The following CFAP299 variants were observed in gnomAD, a reference collection of about 807,000 sequenced individuals.
CFAP299 encodes the protein cilia- and flagella-associated protein 299.
In CFAP299, 21 loss-of-function variants were observed where a neutral mutation model predicts 27.0. That is an observed-to-expected ratio of 0.78 (90% CI 0.55 to 1.12). CFAP299 has a LOEUF of 1.12. Among genes scored for constraint, CFAP299 ranks in the 50% most tolerant of loss-of-function variants. The pLI is 0.00. For synonymous variants in CFAP299, 104 were observed against 98.1 expected, an observed-to-expected ratio of 1.06 and a Z score of -0.36; for missense variants, 310 against 276.6, an observed-to-expected ratio of 1.12 and a Z score of -0.86.
intron 1 of CFAP299, among the ~76,000 whole-genome samples, chr4:80,338,654 C>T (rs554085973): frequency 2.0e-5 from 3 of 152,254 alleles, no homozygotes; most frequent in African/African-American, 4.8e-5. Flanking sequence ...CCTTTTTAGT[C>T]GATAATCCTT....
rs115824735 is a variant in CFAP299, at chr4:80,708,851, C to T, written c.333+125668C>T. Among the ~76,000 whole-genome samples the T allele has an allele frequency of 9.1e-3, 1,380 of 152,012 alleles. 20 individuals carry two copies. Among genetic ancestry groups the T allele is most frequent in the African/African-American group, 0.03 (1,264 of 41,484 alleles). On this transcript the variant is annotated intron_variant, in intron 3 of 5. Transcript: ENST00000358105. The stretch of plus-strand genomic sequence containing the variant: ...TAGTTACCAATAAGCAAAAGTACAA[C>T]GTGAAATATTAAAATTGATAACTAT...
chr4:80,488,146 C>T (rs139484869), intron 2 of CFAP299, among the ~76,000 whole-genome samples: 1 of 152,122 alleles, frequency 6.6e-6, no homozygotes, highest in Non-Finnish European at 1.5e-5. Context: ...GTGATGAGAT[C>T]TCTAGGAATG....
intron 2 of CFAP299, among the ~76,000 whole-genome samples, chr4:80,399,008 A>G (rs1185432283): frequency 1.3e-5 from 2 of 150,442 alleles, no homozygotes; most frequent in African/African-American, 4.9e-5. Context: ...AAAACAAACA[A>G]CTCCATCAAA....
chr4:80,692,332 G>T (rs532360569), intron 3 of CFAP299, among the ~76,000 whole-genome samples: 2 of 152,124 alleles, frequency 1.3e-5, no homozygotes, highest in East Asian at 1.9e-4. Context: ...GCATGGTACT[G>T]GTACCAAAAC....
At chr4:80,895,745 A>G (rs1734581548) in intron 4 of CFAP299, among the ~76,000 whole-genome samples, 1 of 152,084 alleles carries the variant, frequency 6.6e-6, no homozygotes, top group African/African-American at 2.4e-5. Flanking sequence ...TGAGCTACTT[A>G]GCTCATCTGG....
At chr4:80,507,655 C>T (rs1732102029) in intron 2 of CFAP299, among the ~76,000 whole-genome samples, 1 of 152,156 alleles carries the variant, frequency 6.6e-6, no homozygotes, top group South Asian at 2.1e-4. Flanking sequence ...CTGCTGTGGT[C>T]TAATTACATC....
intron 2 of CFAP299, among the ~76,000 whole-genome samples, chr4:80,445,499 G>A (rs184305210): frequency 6.6e-6 from 1 of 152,228 alleles, no homozygotes; most frequent in African/African-American, 2.4e-5. Flanking sequence ...ACAGGGAGGG[G>A]AATGTCATAC....
chr4:80,424,395 C>G (rs547993056), intron 2 of CFAP299, among the ~76,000 whole-genome samples: 9 of 152,276 alleles, frequency 5.9e-5, no homozygotes, highest in Middle Eastern at 3.4e-3. Context: ...TCTGCACTAT[C>G]TGGGTAAAAC....
At chr4:80,657,136 C>A (rs1480356692) in intron 3 of CFAP299, among the ~76,000 whole-genome samples, 1 of 151,706 alleles carries the variant, frequency 6.6e-6, no homozygotes, top group Non-Finnish European at 1.5e-5. Context: ...TAGCCCATTG[C>A]CAGATGGATA....
At chr4:80,672,213 AG>A (rs772570342) in intron 3 of CFAP299, among the ~76,000 whole-genome samples, 1 of 152,184 alleles carries the variant, frequency 6.6e-6, no homozygotes, top group East Asian at 1.9e-4. Flanking sequence ...TTTAGCATGA[AG>A]GGATGTTGAA....
At chr4:80,384,338 AATT>A (rs1724860424) in intron 2 of CFAP299, among the ~76,000 whole-genome samples, 1 of 152,124 alleles carries the variant, frequency 6.6e-6, no homozygotes, top group Admixed American at 6.5e-5. Context: ...TTAAAAACAA[AATT>A]ATTTAGTAGT....
At chr4:80,588,494 A>C (rs1736561667) in intron 3 of CFAP299, among the ~76,000 whole-genome samples, 2 of 151,172 alleles carry the variant, frequency 1.3e-5, no homozygotes, top group South Asian at 4.1e-4. Context: ...ATGAAAATTT[A>C]ATGACATCTT....
At chr4:80,948,007 C>T (rs758201005) in intron 5 of CFAP299, among the ~76,000 whole-genome samples, 6 of 152,082 alleles carry the variant, frequency 3.9e-5, no homozygotes, top group Non-Finnish European at 8.8e-5. Context: ...CTAAGGTGAA[C>T]ATCTCATAAC....
chr4:80,509,614 A>C (rs1194633730), intron 2 of CFAP299, among the ~76,000 whole-genome samples: 2 of 152,212 alleles, frequency 1.3e-5, no homozygotes, highest in African/African-American at 4.8e-5. Context: ...AGTAACTAGA[A>C]ACAGGATTTA....
At chr4:80,361,446 C>T (rs921688286) in intron 1 of CFAP299, among the ~76,000 whole-genome samples, 3 of 152,162 alleles carry the variant, frequency 2.0e-5, no homozygotes, top group Admixed American at 6.5e-5. Context: ...CAAATGATCT[C>T]ACTTTTGTAA....
intron 3 of CFAP299, among the ~76,000 whole-genome samples, chr4:80,602,024 T>C (rs1428111301): frequency 6.6e-6 from 1 of 152,118 alleles, no homozygotes; most frequent in Non-Finnish European, 1.5e-5. Flanking sequence ...AACACATGGA[T>C]GCTTAGAGGG....
chr4:80,343,218 A>G (rs1437426529), intron 1 of CFAP299, among the ~76,000 whole-genome samples: 2 of 152,322 alleles, frequency 1.3e-5, no homozygotes, highest in Non-Finnish European at 1.5e-5. Flanking sequence ...ATTTCACACA[A>G]TAATGGTGAG....
intron 3 of CFAP299, among the ~76,000 whole-genome samples, chr4:80,623,960 G>A (rs920123777): frequency 6.6e-6 from 1 of 152,150 alleles, no homozygotes; most frequent in African/African-American, 2.4e-5. Flanking sequence ...CCAGTGCCAT[G>A]CCAGCAGCAA....
intron 3 of CFAP299, among the ~76,000 whole-genome samples, chr4:80,864,348 C>A (rs914356771): frequency 1.3e-5 from 2 of 149,704 alleles, no homozygotes; most frequent in African/African-American, 4.9e-5. Flanking sequence ...ACCTATTTGC[C>A]CCATTCTGGA....
Sources: allele counts gnomAD v4.1 joint callset (sites outside exome capture counted in the v4.1 genomes callset), GRCh38; gene constraint gnomAD v4.1.1; transcripts MANE v1.5; gene names NCBI Gene and HGNC (gene_info 2026-07-23, HGNC 2026-07-21).